Variants in OR2L13 observed in about 807,000 individuals in gnomAD.
OR2L13 encodes the protein olfactory receptor family 2 subfamily L member 13, also known as olfactory receptor 2L13.
A neutral mutation model predicts 15.3 loss-of-function variants in OR2L13; 14 were observed. The observed-to-expected ratio is 0.91, with a 90% CI of 0.60 to 1.43. The LOEUF (loss-of-function observed/expected upper bound fraction) is 1.43. Among genes scored for constraint, OR2L13 ranks in the 40% most tolerant of loss-of-function variants. The pLI is 0.00. For missense variants in OR2L13, 367 were observed against 387.9 expected (o/e 0.95, Z 0.45); for synonymous variants, 152 against 142.9 (o/e 1.06, Z -0.45).
At chr1:247,939,588 G>C in the OR2L13 span, 6 of 152,106 alleles carry the variant, frequency 3.9e-5, no homozygotes, top group African/African-American at 1.4e-4. Flanking sequence ...TGAAAAATAT[G>C]CTCTAGAGCA....
the OR2L13 span, among the ~76,000 whole-genome samples, chr1:247,954,709 C>A: frequency 6.6e-6 from 1 of 151,564 alleles, no homozygotes; most frequent in African/African-American, 2.4e-5. Flanking sequence ...AAATGCAAAA[C>A]TGAATTTCTG....
At chr1:248,048,381 A>T in the OR2L13 span, among the ~76,000 whole-genome samples, 1 of 152,214 alleles carries the variant, frequency 6.6e-6, no homozygotes, top group South Asian at 2.1e-4. Context: ...CAAATACAAC[A>T]TTATGTACTG....
At chr1:248,084,633 G>A in the OR2L13 span, 2 of 1,555,092 alleles carry the variant, frequency 1.3e-6, no homozygotes, top group Non-Finnish European at 1.7e-6. Context: ...TGGAAAAATA[G>A]AGAAGGAAGA....
upstream of OR2L13, among the ~76,000 whole-genome samples, chr1:248,091,804 T>C (rs1664603798): frequency 1.3e-5 from 2 of 152,210 alleles, no homozygotes; most frequent in South Asian, 2.1e-4. Context: ...AATTTTAAAA[T>C]TGTTTTCTCT....
chr1:248,017,940 G>A, the OR2L13 span, among the ~76,000 whole-genome samples: 2 of 151,940 alleles, frequency 1.3e-5, no homozygotes, highest in African/African-American at 4.8e-5. Flanking sequence ...CATTCGTATC[G>A]AGACCATCCT....
chr1:248,084,681 T>G, the OR2L13 span: 4 of 1,496,680 alleles, frequency 2.7e-6, no homozygotes, highest in South Asian at 5.4e-5. Flanking sequence ...ACTTCCCTCT[T>G]TTTTTTCATA....
exon 3 of OR2L13, chr1:248,100,054 A>G (rs146206890): frequency 1.9e-6 from 3 of 1,613,952 alleles, no homozygotes; most frequent in African/African-American, 2.7e-5. Context: ...TGTCTATCAT[A>G]TGCACTCAAA....
chr1:247,966,002 T>A, the OR2L13 span: 2 of 1,612,846 alleles, frequency 1.2e-6, no homozygotes, highest in Non-Finnish European at 1.7e-6. Flanking sequence ...ATCTTGCTAC[T>A]ACCATTCCTA....
the OR2L13 span, among the ~76,000 whole-genome samples, chr1:248,019,073 A>T: frequency 2.6e-5 from 4 of 152,100 alleles, no homozygotes; most frequent in South Asian, 6.2e-4. Flanking sequence ...CCTTTGGGGT[A>T]TTGTGATAAT....
At chr1:247,995,373 G>T in the OR2L13 span, among the ~76,000 whole-genome samples, 1 of 152,184 alleles carries the variant, frequency 6.6e-6, no homozygotes, top group African/African-American at 2.4e-5. Context: ...TCAGTGGCTT[G>T]CTCTTTTCCT....
chr1:248,006,107 C>G, the OR2L13 span, among the ~76,000 whole-genome samples: 1 of 152,080 alleles, frequency 6.6e-6, no homozygotes, highest in Non-Finnish European at 1.5e-5. Flanking sequence ...GGGAGAGCAC[C>G]TCCTCTCTTC....
the OR2L13 span, among the ~76,000 whole-genome samples, chr1:247,969,372 G>T: frequency 1.3e-5 from 2 of 151,968 alleles, no homozygotes; most frequent in Admixed American, 6.6e-5. Context: ...GTCAATTTTG[G>T]CTTTTGTTGC....
At chr1:248,061,102 G>T in the OR2L13 span, 1 of 1,613,920 alleles carries the variant, frequency 6.2e-7, no homozygotes, top group Admixed American at 1.7e-5. Context: ...AAGAATGTGT[G>T]TGCTGATGAT....
At chr1:247,970,848 A>G in the OR2L13 span, among the ~76,000 whole-genome samples, 5 of 152,158 alleles carry the variant, frequency 3.3e-5, no homozygotes, top group African/African-American at 1.2e-4. Context: ...CTATTTTATC[A>G]CTGAGGAATC....
the OR2L13 span, among the ~76,000 whole-genome samples, chr1:248,006,169 T>G: frequency 6.6e-6 from 1 of 151,908 alleles, no homozygotes; most frequent in Non-Finnish European, 1.5e-5. Flanking sequence ...GCTTCTATCA[T>G]TACTACCAAT....
chr1:248,014,115 G>C, the OR2L13 span, among the ~76,000 whole-genome samples: 1 of 152,126 alleles, frequency 6.6e-6, no homozygotes, highest in South Asian at 2.1e-4. Flanking sequence ...GTTTTGGTTT[G>C]ATTTCTTTTG....
chr1:247,986,443 T>A, the OR2L13 span, among the ~76,000 whole-genome samples: 5 of 152,110 alleles, frequency 3.3e-5, no homozygotes, highest in African/African-American at 7.2e-5. Flanking sequence ...ATTATTTCTG[T>A]GGGCTCTGTT....
At chr1:248,048,090 A>G in the OR2L13 span, among the ~76,000 whole-genome samples, 5 of 152,188 alleles carry the variant, frequency 3.3e-5, no homozygotes, top group Non-Finnish European at 7.3e-5. Flanking sequence ...AATAACAGTC[A>G]AAGGATATAC....
the OR2L13 span, among the ~76,000 whole-genome samples, chr1:247,994,202 C>G: frequency 1.3e-5 from 2 of 152,112 alleles, no homozygotes; most frequent in African/African-American, 2.4e-5. Flanking sequence ...CGAGACCATC[C>G]TGGCTAACAC....
Sources: gnomAD v4.1 joint callset for allele counts (sites outside exome capture counted in the v4.1 genomes callset) on GRCh38, gnomAD v4.1.1 for gene constraint, MANE v1.5 for transcripts, NCBI Gene and HGNC (gene_info 2026-07-23, HGNC 2026-07-21) for gene names.